The following UBXN2A variants were observed in gnomAD, a reference collection of about 807,000 sequenced individuals.
UBXN2A encodes the protein UBX domain protein 2A, also known as UBX domain-containing protein 2A.
Under a neutral mutation model 28.4 loss-of-function variants are expected in UBXN2A, and 28 were observed. The observed-to-expected ratio is 0.99, with a 90% confidence interval of 0.73 to 1.35. The LOEUF is 1.35. Ranked by LOEUF, UBXN2A falls within the 40% of genes most tolerant of loss-of-function variation. The pLI is 0.00. For missense variants in UBXN2A, 253 were observed against 297.9 expected (o/e 0.85, Z 1.11); for synonymous variants, 97 against 103.6 (o/e 0.94, Z 0.39).
upstream of UBXN2A, among the ~76,000 whole-genome samples, chr2:23,936,466 T>G (rs1705530993): frequency 6.6e-6 from 1 of 151,936 alleles, no homozygotes; most frequent in Non-Finnish European, 1.5e-5. Flanking sequence ...TCATAGCACT[T>G]TGGGAGGCCA....
At chr2:23,973,994 T>C (rs1351048431) in intron 3 of UBXN2A, among the ~76,000 whole-genome samples, 1 of 149,786 alleles carries the variant, frequency 6.7e-6, no homozygotes, top group Non-Finnish European at 1.5e-5. Flanking sequence ...AAACAACTTA[T>C]AGTAGCTGTT....
At chr2:23,989,622 G>T (rs185385955) in intron 6 of UBXN2A, among the ~76,000 whole-genome samples, 47 of 152,056 alleles carry the variant, frequency 3.1e-4, no homozygotes, top group African/African-American at 1.1e-3. Flanking sequence ...GTCTGGTAGG[G>T]CCAGGCGTGG....
At chr2:23,952,622 C>G (rs1231955682) in intron 1 of UBXN2A, among the ~76,000 whole-genome samples, 1 of 151,074 alleles carries the variant, frequency 6.6e-6, no homozygotes, top group Non-Finnish European at 1.5e-5. Context: ...TTTTTTGTGT[C>G]TTTAGTAGAG....
rs1226884251 is a variant in UBXN2A, at chr2:24,002,403, G to A, written c.*2536G>A. ...TTAGGCAACAGAGTAAGACCCTGCC[G>A]TAATAATAATAACTTTTTTTTTTTT... On this transcript the variant is annotated 3_prime_UTR_variant, in exon 7 of 7. Transcript: ENST00000309033. 7 of 148,154 alleles carry A rather than the reference G, an allele frequency of 4.7e-5. No homozygotes were observed. The highest frequency in any genetic ancestry group is 4.0e-4 in the East Asian group (2 of 4,946). The allele number at this position is 148,154 out of a possible 1,614,324, so 9.2% of individuals were successfully genotyped here.
intron 2 of UBXN2A, among the ~76,000 whole-genome samples, chr2:23,964,546 C>T (rs970272931): frequency 5.3e-5 from 8 of 152,116 alleles, no homozygotes; most frequent in Admixed American, 1.3e-4. Context: ...CTGCAGTATG[C>T]AACAACATAG....
intron 2 of UBXN2A, among the ~76,000 whole-genome samples, chr2:23,959,906 A>G (rs560290453): frequency 6.6e-6 from 1 of 152,308 alleles, no homozygotes; most frequent in South Asian, 2.1e-4. Context: ...TATAAACTGT[A>G]CATTGAGCCA....
At chr2:23,945,153 G>A (rs541747263) in intron 1 of UBXN2A, among the ~76,000 whole-genome samples, 4 of 152,188 alleles carry the variant, frequency 2.6e-5, no homozygotes, top group African/African-American at 9.6e-5. Context: ...GAATGTCCTG[G>A]AATGGGAATG....
At chr2:23,992,457 T>C (rs1412340482) in intron 6 of UBXN2A, among the ~76,000 whole-genome samples, 1 of 152,234 alleles carries the variant, frequency 6.6e-6, no homozygotes, top group Non-Finnish European at 1.5e-5. Context: ...AGATTCTTCG[T>C]GGCATCTCTG....
intron 6 of UBXN2A, among the ~76,000 whole-genome samples, chr2:23,993,151 C>T (rs936140061): frequency 2.6e-5 from 4 of 152,164 alleles, no homozygotes; most frequent in African/African-American, 7.2e-5. Context: ...CTGGAATGTT[C>T]TTTTGTGACC....
At chr2:23,933,217 AAAG>A (rs1705427339) in intron 1 of UBXN2A, among the ~76,000 whole-genome samples, 1 of 150,410 alleles carries the variant, frequency 6.6e-6, no homozygotes, top group African/African-American at 2.4e-5. Context: ...ATAAAAATAA[AAAG>A]AATAGGCCAA....
intron 2 of UBXN2A, among the ~76,000 whole-genome samples, chr2:23,958,721 C>A (rs199952437): frequency 6.6e-6 from 1 of 151,988 alleles, no homozygotes; most frequent in East Asian, 1.9e-4. Context: ...CCCGTCTCTG[C>A]CTTCTATTAT....
chr2:23,948,945 C>CTTT (rs777506305), intron 1 of UBXN2A, among the ~76,000 whole-genome samples: 12,034 of 131,606 alleles, frequency 0.091, 721 homozygotes, highest in Middle Eastern at 0.15. Context: ...TCTCTTGTAG[C>CTTT]TTTTTTTTTT....
chr2:24,000,104 A>C lies in UBXN2A; in HGVS notation c.*237A>C. On this transcript the variant is annotated 3_prime_UTR_variant, in exon 7 of 7. Coordinates refer to ENST00000309033, the MANE Select transcript of UBXN2A (RefSeq NM_181713.4). Reference sequence around the variant, plus strand: ...TACCCAGAAAAATAGACTTATTTTCAAATACCAGTTATCAAGATATATTAA... The same window carrying C: ...TACCCAGAAAAATAGACTTATTTTCCAATACCAGTTATCAAGATATATTAA... 1 of 471,632 alleles carries C rather than the reference A, an allele frequency of 2.1e-6. No homozygotes were observed. Among genetic ancestry groups the C allele is most frequent in the African/African-American group, 2.0e-5 (1 of 51,200 alleles). The allele number at this position is 471,632 out of a possible 1,614,324, so 29.2% of individuals were successfully genotyped here.
intron 6 of UBXN2A, among the ~76,000 whole-genome samples, chr2:23,994,870 G>T (rs1340729552): frequency 2.0e-5 from 3 of 152,182 alleles, no homozygotes; most frequent in Non-Finnish European, 4.4e-5. Flanking sequence ...AGACTTTACT[G>T]GGGCTGGTTG....
chr2:23,977,179 A>C (rs758406021), intron 4 of UBXN2A, 104 bp downstream of exon 4: 35 of 831,012 alleles, frequency 4.2e-5, no homozygotes, highest in Non-Finnish European at 6.0e-5. Context: ...GCCGGGGAAC[A>C]TAGCCAGACC....
At position 23,983,008 on chromosome 2, in the gene UBXN2A, T is replaced by C; in HGVS notation, c.400T>C (p.Ser134Pro). The C allele has an allele frequency of 6.2e-7, 1 of 1,608,226 alleles. No homozygotes were observed. Among genetic ancestry groups the C allele is most frequent in the African/African-American group, 1.3e-5 (1 of 74,942 alleles). Reference protein sequence around the residue: ...LSTKPVFQPFSGQGHRLGSAT... With the variant: ...LSTKPVFQPFPGQGHRLGSAT... ...TACGAAGCCTGTGTTCCAGCCCTTT[T>C]CAGGACAGGGTCACAGACTAGGAAG... The change falls in exon 5 of 7, where the codon TCA (serine) becomes CCA (proline). Residue 134 changes from serine to proline, a missense_variant. By Grantham distance (74) the Ser-to-Pro change is moderately conservative. Transcript: ENST00000309033.
At chr2:23,939,070 T>G (rs1705624875), upstream of UBXN2A, among the ~76,000 whole-genome samples, 1 of 152,024 alleles carries the variant, frequency 6.6e-6, no homozygotes, top group Non-Finnish European at 1.5e-5. Flanking sequence ...AGGATCAATC[T>G]CAATCTGAGT....
intron 1 of UBXN2A, among the ~76,000 whole-genome samples, chr2:23,928,734 T>C (rs1203994588): frequency 6.6e-6 from 1 of 152,214 alleles, no homozygotes; most frequent in Non-Finnish European, 1.5e-5. Context: ...TCTGGCCATC[T>C]AAGCTCCCAA....
At chr2:23,951,324 A>G (rs1054561167) in intron 1 of UBXN2A, among the ~76,000 whole-genome samples, 3 of 150,576 alleles carry the variant, frequency 2.0e-5, no homozygotes, top group African/African-American at 4.9e-5. Flanking sequence ...AGAATCATTC[A>G]TGTCTGATAT....
Sources: gnomAD v4.1 joint callset for allele counts (sites outside exome capture counted in the v4.1 genomes callset) on GRCh38, gnomAD v4.1.1 for gene constraint, MANE v1.5 for transcripts, NCBI Gene and HGNC (gene_info 2026-07-23, HGNC 2026-07-21) for gene names.